Variants in SLC24A3 observed in about 807,000 individuals in gnomAD.
SLC24A3 encodes the protein solute carrier family 24 member 3.
Under a neutral mutation model 75.8 loss-of-function variants are expected in SLC24A3, and 28 were observed. That is an observed-to-expected ratio of 0.37 (90% CI 0.27 to 0.51). The LOEUF is 0.51. SLC24A3 is among the 20% of genes least tolerant of loss of function. The pLI, the probability that SLC24A3 is intolerant of heterozygous loss-of-function variation, is 0.94. For synonymous variants in SLC24A3, 372 were observed against 334.1 expected, an observed-to-expected ratio of 1.11 and a Z score of -1.24; for missense variants, 663 against 847.8, an observed-to-expected ratio of 0.78 and a Z score of 2.71.
At chr20:19,475,401 G>A (rs1292552560) in intron 2 of SLC24A3, among the ~76,000 whole-genome samples, 7 of 151,516 alleles carry the variant, frequency 4.6e-5, no homozygotes, top group Non-Finnish European at 7.4e-5. Flanking sequence ...TCCATTTACC[G>A]TTTTAAAGGG....
intron 3 of SLC24A3, among the ~76,000 whole-genome samples, chr20:19,526,268 C>T (rs1021702025): frequency 1.1e-4 from 17 of 152,180 alleles, no homozygotes; most frequent in African/African-American, 4.1e-4. Flanking sequence ...CCCACCACTT[C>T]CCAGGATTAG....
Position 19,290,515 on chromosome 20 carries a change from G to A in SLC24A3, c.271+9428G>A, listed in dbSNP as rs1159374138. 3.3e-5 allele frequency among the ~76,000 whole-genome samples: 5 copies of A among 152,162 alleles called. No individual in the cohort carries two copies. The East Asian group carries it at 9.6e-4, about 29-fold the overall frequency. ...GCCCTCACCCCTTCCACCTTGTGAGGCTAGAGTGAGAAAATGTCATCTATG... is the reference window on the plus strand; with the variant it reads ...GCCCTCACCCCTTCCACCTTGTGAGACTAGAGTGAGAAAATGTCATCTATG... On this transcript the variant is annotated intron_variant, in intron 2 of 16. Transcript: ENST00000328041.
chr20:19,612,326 A>G (rs1452251007), intron 6 of SLC24A3, among the ~76,000 whole-genome samples: 1 of 152,158 alleles, frequency 6.6e-6, no homozygotes, highest in Non-Finnish European at 1.5e-5. Flanking sequence ...AGACGGGAGG[A>G]AGAAGCTCTG....
intron 7 of SLC24A3, among the ~76,000 whole-genome samples, chr20:19,656,814 CCT>C (rs761112000): frequency 5.3e-5 from 8 of 152,180 alleles, no homozygotes; most frequent in Admixed American, 6.5e-5. Context: ...GGCTTCTTTC[CCT>C]GTTTTCCGCA....
intron 9 of SLC24A3, among the ~76,000 whole-genome samples, chr20:19,679,151 C>T (rs1182226493): frequency 6.6e-6 from 1 of 151,948 alleles, no homozygotes; most frequent in Non-Finnish European, 1.5e-5. Flanking sequence ...CCAAGGCAGG[C>T]GGCTGGGAGG....
intron 14 of SLC24A3, 136 bp from the exon 15 acceptor site, chr20:19,698,432 G>A (rs112528644): frequency 3.4e-6 from 2 of 593,070 alleles, no homozygotes; most frequent in African/African-American, 1.8e-5. Flanking sequence ...TTTCACATGG[G>A]TGATGGCCTT....
intron 6 of SLC24A3, among the ~76,000 whole-genome samples, chr20:19,597,707 CTCTCT>C (rs1272749952): frequency 6.6e-6 from 1 of 152,112 alleles, no homozygotes; most frequent in East Asian, 1.9e-4. Flanking sequence ...ATTAACCAAC[CTCTCT>C]TCATCTCCCC....
intron 6 of SLC24A3, among the ~76,000 whole-genome samples, chr20:19,627,687 C>T (rs77346268): frequency 0.044 from 6,759 of 152,242 alleles, 532 homozygotes; most frequent in African/African-American, 0.15. Flanking sequence ...AATTGTTCCA[C>T]TACATTAATT....
At chr20:19,441,864 AT>A (rs1389367155) in intron 2 of SLC24A3, among the ~76,000 whole-genome samples, 1 of 151,520 alleles carries the variant, frequency 6.6e-6, no homozygotes, top group African/African-American at 2.4e-5. Flanking sequence ...GAAACCACTG[AT>A]TTTTTTTCTG....
intron 6 of SLC24A3, among the ~76,000 whole-genome samples, chr20:19,621,867 A>G (rs928680377): frequency 6.6e-6 from 1 of 152,192 alleles, no homozygotes; most frequent in African/African-American, 2.4e-5. Flanking sequence ...TGTTTGTGAA[A>G]GATCATTACT....
chr20:19,338,351 A>G (rs1171360881), intron 2 of SLC24A3, among the ~76,000 whole-genome samples: 2 of 152,058 alleles, frequency 1.3e-5, no homozygotes, highest in Non-Finnish European at 2.9e-5. Flanking sequence ...CTGGTTGCAT[A>G]TCGGATTTCT....
intron 2 of SLC24A3, among the ~76,000 whole-genome samples, chr20:19,462,745 A>C (rs544803763): frequency 1.1e-4 from 16 of 152,190 alleles, no homozygotes; most frequent in African/African-American, 2.7e-4. Flanking sequence ...CATGAAGTCA[A>C]TGAGACCAGA....
At chr20:19,693,153 T>C (rs779020011) in intron 12 of SLC24A3, 106 bp from the exon 13 acceptor site, 25 of 1,237,782 alleles carry the variant, frequency 2.0e-5, no homozygotes, top group Non-Finnish European at 2.7e-5. Flanking sequence ...TAAGGTTTAA[T>C]TCTGGGGAAA....
Position 19,515,682 on chromosome 20 carries a change from T to C in SLC24A3, c.348+118T>C. ...TCTGCCCTCCTGTTCCCACGCTGCC[T>C]GGTGGGGGTCCTTCGAGCTCTGTAG... On this transcript the variant is annotated intron_variant, in intron 3 of 16. Transcript: ENST00000328041. 4 of 979,810 alleles carry C rather than the reference T, an allele frequency of 4.1e-6. No homozygotes were observed. The African/African-American group carries it at 4.9e-5, about 12-fold the overall frequency. 60.7% of individuals were successfully genotyped at this position (979,810 alleles called of 1,614,324 possible). A position where few individuals can be genotyped will look rare whatever the true frequency, so the allele number is the denominator to read the frequency against.
chr20:19,693,616 G>A, intron 13 of SLC24A3, 191 bp downstream of exon 13: 1 of 628,700 alleles, frequency 1.6e-6, no homozygotes. Context: ...TCTTCATGTT[G>A]ACTGTGGATT....
chr20:19,333,128 AC>A (rs1352905808), intron 2 of SLC24A3, among the ~76,000 whole-genome samples: 1 of 151,904 alleles, frequency 6.6e-6, no homozygotes. Flanking sequence ...GTGGTTGTAA[AC>A]CCTTCACACT....
intron 1 of SLC24A3, among the ~76,000 whole-genome samples, chr20:19,222,080 C>G (rs1418543414): frequency 6.6e-6 from 1 of 152,032 alleles, no homozygotes; most frequent in Non-Finnish European, 1.5e-5. Flanking sequence ...TTAACCATGT[C>G]TTCCAACTCT....
At chr20:19,315,817 G>C (rs1018025326) in intron 2 of SLC24A3, among the ~76,000 whole-genome samples, 83 of 152,170 alleles carry the variant, frequency 5.5e-4, no homozygotes, top group African/African-American at 2.0e-3. Flanking sequence ...TTTAAAATGG[G>C]ATTATGTGCC....
At chr20:19,633,350 T>C (rs1023667095) in intron 6 of SLC24A3, among the ~76,000 whole-genome samples, 1 of 152,126 alleles carries the variant, frequency 6.6e-6, no homozygotes, top group Non-Finnish European at 1.5e-5. Flanking sequence ...AATTCATTCT[T>C]ATAAGAATGC....
Sources: allele counts gnomAD v4.1 joint callset (sites outside exome capture counted in the v4.1 genomes callset), GRCh38; gene constraint gnomAD v4.1.1; transcripts MANE v1.5; gene names NCBI Gene and HGNC (gene_info 2026-07-23, HGNC 2026-07-21).